The following CFAP45 variants were observed in gnomAD, a reference collection of about 807,000 sequenced individuals.
The protein encoded by CFAP45 is cilia and flagella associated protein 45, also known as cilia- and flagella-associated protein 45.
In CFAP45, 43 loss-of-function variants were observed where a neutral mutation model predicts 75.6. The ratio of observed to expected loss-of-function variants is 0.57; its 90% confidence interval spans 0.45 to 0.73. CFAP45 has a LOEUF of 0.73. CFAP45 is among the 30% of genes least tolerant of loss of function. CFAP45 has a pLI of 0.00. For missense variants in CFAP45, 689 were observed against 701.5 expected, an observed-to-expected ratio of 0.98 and a Z score of 0.20; for synonymous variants, 223 against 244.6, an observed-to-expected ratio of 0.91 and a Z score of 0.82.
chr1:159,882,466 G>C (rs1571182633), intron 7 of CFAP45, among the ~76,000 whole-genome samples: 1 of 152,176 alleles, frequency 6.6e-6, no homozygotes, highest in East Asian at 1.9e-4. Flanking sequence ...AGACACCAAA[G>C]GACTTTCCCT....
At chr1:159,873,236 G>A in intron 10 of CFAP45, 68 bp from the exon 11 acceptor site, 1 of 1,395,750 alleles carries the variant, frequency 7.2e-7, no homozygotes, top group Non-Finnish European at 1.0e-6. Context: ...GGTGGTGGGG[G>A]AGCCTCCTGG....
chr1:159,883,102 C>T (rs1237549701), intron 7 of CFAP45, among the ~76,000 whole-genome samples: 2 of 152,188 alleles, frequency 1.3e-5, no homozygotes, highest in African/African-American at 4.8e-5. Flanking sequence ...CCATCAAATG[C>T]ACTAGCTGAT....
At chr1:159,896,076 T>C (rs1025002827) in intron 1 of CFAP45, among the ~76,000 whole-genome samples, 26 of 152,180 alleles carry the variant, frequency 1.7e-4, no homozygotes, top group Admixed American at 1.0e-3. Context: ...CCACTGTGGA[T>C]AATAACGTAT....
At chr1:159,873,743 G>A (rs968219003) in intron 10 of CFAP45, among the ~76,000 whole-genome samples, 5 of 151,922 alleles carry the variant, frequency 3.3e-5, no homozygotes, top group Admixed American at 2.6e-4. Flanking sequence ...CTTACACCCA[G>A]GGTTTCACCC....
At chr1:159,883,476 A>G (rs992254953) in intron 7 of CFAP45, among the ~76,000 whole-genome samples, 8 of 152,206 alleles carry the variant, frequency 5.3e-5, no homozygotes, top group African/African-American at 1.9e-4. Context: ...TTATGGAATC[A>G]CTGAATTCAA....
intron 11 of CFAP45, 38 bp downstream of exon 11, chr1:159,872,906 G>C: frequency 1.3e-6 from 2 of 1,583,304 alleles, no homozygotes; most frequent in Non-Finnish European, 1.7e-6. Flanking sequence ...CTTTGCGGGA[G>C]GGAAGAGGAT....
intron 10 of CFAP45, among the ~76,000 whole-genome samples, chr1:159,874,198 A>G (rs1361133056): frequency 6.6e-6 from 1 of 152,208 alleles, no homozygotes; most frequent in Non-Finnish European, 1.5e-5. Context: ...TTCTCAACAT[A>G]ATTTAAAAAA....
chr1:159,876,821 A>T (rs745895432), intron 9 of CFAP45, 72 bp from the exon 10 acceptor site: 15 of 1,422,608 alleles, frequency 1.1e-5, no homozygotes, highest in Non-Finnish European at 1.3e-5. Context: ...CTTTAAGAAG[A>T]TACCTACTTA....
At chr1:159,890,192 C>A (rs1193656268) in intron 3 of CFAP45, among the ~76,000 whole-genome samples, 1 of 152,200 alleles carries the variant, frequency 6.6e-6, no homozygotes, top group Non-Finnish European at 1.5e-5. Flanking sequence ...CACTAAGCAC[C>A]TCCTCTCTAC....
In CFAP45 at chr1:159,884,519, G is replaced by C. The variant is rs779208743; in HGVS notation, c.814C>G (p.Arg272Gly). 1 of 1,613,618 alleles carries C rather than the reference G, an allele frequency of 6.2e-7. No homozygotes were observed. Among genetic ancestry groups the C allele is most frequent in the Non-Finnish European group, 8.5e-7 (1 of 1,179,844 alleles). ...TCCCGCTGCTCAGCAAGCAGCGATC[G>C]CTCCTCCTGGTTCTTTTCCATCTGT... is the stretch of plus-strand genomic sequence containing the variant. Reference protein sequence around the residue: ...VEQMEKNQEERSLLAEQREQE... With the variant: ...VEQMEKNQEEGSLLAEQREQE... Residue 272 changes from arginine (R) to glycine (G), a missense_variant, in exon 7 of 12, where the codon CGA becomes GGA. Transcript: ENST00000368099.
chr1:159,872,918 T>C, intron 11 of CFAP45, 26 bp downstream of exon 11: 1 of 1,603,416 alleles, frequency 6.2e-7, no homozygotes. Context: ...GAAGAGGATT[T>C]GGGAAAGGAG....
chr1:159,886,769 T>C, intron 5 of CFAP45, 80 bp from the exon 6 acceptor site: 2 of 1,175,740 alleles, frequency 1.7e-6, no homozygotes, highest in Non-Finnish European at 2.5e-6. Context: ...CAGAATGCTA[T>C]ACTGCTGAGC....
In CFAP45 at chr1:159,877,422, C is replaced by T. The variant is rs151065115; in HGVS notation, c.1085G>A (p.Arg362Gln). The change falls in exon 9 of 12, where the codon CGG becomes CAG. Residue 362 changes from arginine (R) to glutamine (Q), a missense_variant. Physicochemically the swap from Arg to Gln is conservative, Grantham distance 43 (BLOSUM62 1). Coordinates refer to ENST00000368099, the MANE Select transcript of CFAP45 (RefSeq NM_012337.3). ...TGCGATCTCCTTCTCTTTCTCCCTC[C>T]GGATTCTCTCCTGCTCAGCCTCAAA... ...AEFEAEQERI[R>Q]REKEKEIARL... 1.9e-5 allele frequency: 31 copies of T among 1,614,008 alleles called. No individual in the cohort carries two copies. Among genetic ancestry groups the T allele is most frequent in the African/African-American group, 8.0e-5 (6 of 74,894 alleles).
At chr1:159,894,727 C>T (rs1008901224) in intron 1 of CFAP45, among the ~76,000 whole-genome samples, 2 of 152,192 alleles carry the variant, frequency 1.3e-5, no homozygotes, top group Admixed American at 6.5e-5. Flanking sequence ...AAGCTGAAAA[C>T]ATCAAATATT....
chr1:159,886,922 T>C (rs991276621), intron 5 of CFAP45, among the ~76,000 whole-genome samples: 2 of 152,204 alleles, frequency 1.3e-5, no homozygotes, highest in African/African-American at 4.8e-5. Flanking sequence ...GGGCCTGGAA[T>C]AGCATCTTTC....
chr1:159,888,590 T>C, intron 3 of CFAP45, 94 bp from the exon 4 acceptor site: 1 of 1,216,470 alleles, frequency 8.2e-7, no homozygotes, highest in Non-Finnish European at 1.2e-6. Flanking sequence ...CTTCCCATCA[T>C]GCCAGTGGAC....
intron 2 of CFAP45, 101 bp from the exon 3 acceptor site, chr1:159,890,723 C>A: frequency 1.0e-6 from 1 of 987,016 alleles, no homozygotes; most frequent in Admixed American, 2.2e-5. Flanking sequence ...TGTATCTGAG[C>A]ATGGCTGGAT....
At chr1:159,899,839 G>A (rs1021688140) in intron 1 of CFAP45, 27 of 456,554 alleles carry the variant, frequency 5.9e-5, no homozygotes, top group African/African-American at 4.8e-4. Context: ...GCAACGGGGA[G>A]AGGGTTGGGG....
intron 9 of CFAP45, 136 bp from the exon 10 acceptor site, chr1:159,876,885 T>A: frequency 1.2e-6 from 1 of 835,798 alleles, no homozygotes; most frequent in Non-Finnish European, 1.9e-6. Flanking sequence ...GGCAGCTAGT[T>A]ATTCTAGGAA....
Sources: gnomAD v4.1 joint callset for allele counts (sites outside exome capture counted in the v4.1 genomes callset) on GRCh38, gnomAD v4.1.1 for gene constraint, MANE v1.5 for transcripts, NCBI Gene and HGNC (gene_info 2026-07-23, HGNC 2026-07-21) for gene names.